The following GALNTL6 variants were observed in gnomAD, a reference collection of about 807,000 sequenced individuals.
GALNTL6 encodes polypeptide N-acetylgalactosaminyltransferase like 6.
Under a neutral mutation model 73.7 loss-of-function variants are expected in GALNTL6, and 46 were observed. The observed-to-expected ratio is 0.62, with a 90% CI of 0.49 to 0.80. The LOEUF is 0.80. Among genes scored for constraint, GALNTL6 ranks in the 30% least tolerant of loss-of-function variants. The pLI, the probability that GALNTL6 is intolerant of heterozygous loss-of-function variation, is 0.00. For missense variants in GALNTL6, 604 were observed against 755.0 expected (o/e 0.80, Z 2.34); for synonymous variants, 259 against 263.7 (o/e 0.98, Z 0.17).
chr4:172,800,196 A>G (rs1257225725), intron 5 of GALNTL6, among the ~76,000 whole-genome samples: 1 of 152,180 alleles, frequency 6.6e-6, no homozygotes, highest in East Asian at 1.9e-4. Context: ...CAACAATGTG[A>G]ATATGCTTAA....
intron 2 of GALNTL6, among the ~76,000 whole-genome samples, chr4:171,886,504 T>C (rs887390728): frequency 6.6e-6 from 1 of 152,216 alleles, no homozygotes; most frequent in Non-Finnish European, 1.5e-5. Flanking sequence ...ATATTTCTTA[T>C]GTTAATACAT....
intron 10 of GALNTL6, among the ~76,000 whole-genome samples, chr4:172,999,583 C>T (rs1428428362): frequency 1.3e-5 from 2 of 152,040 alleles, no homozygotes; most frequent in Non-Finnish European, 2.9e-5. Flanking sequence ...AGAGCATATA[C>T]CCAAATAGGC....
chr4:172,609,623 C>CTGTGTG (rs1414167008), intron 5 of GALNTL6, among the ~76,000 whole-genome samples: 5,307 of 92,160 alleles, frequency 0.058, 157 homozygotes, highest in East Asian at 0.15. Flanking sequence ...CTCTCTCTCT[C>CTGTGTG]TCTGTGTGTG....
At chr4:172,300,035 T>A (rs1374978156) in intron 3 of GALNTL6, among the ~76,000 whole-genome samples, 1 of 152,224 alleles carries the variant, frequency 6.6e-6, no homozygotes, top group Admixed American at 6.5e-5. Context: ...GGACTTGCTT[T>A]ATGAATCTGG....
chr4:172,890,292 A>G (rs1288744948), intron 8 of GALNTL6, among the ~76,000 whole-genome samples: 1 of 151,720 alleles, frequency 6.6e-6, no homozygotes, highest in East Asian at 1.9e-4. Context: ...TTTTTCTGCT[A>G]ATTTTGGGGT....
chr4:172,482,202 C>G (rs1343320360), intron 5 of GALNTL6, among the ~76,000 whole-genome samples: 2 of 152,206 alleles, frequency 1.3e-5, no homozygotes, highest in Non-Finnish European at 2.9e-5. Flanking sequence ...ACCCGGAACT[C>G]GCGCTGGCCC....
intron 8 of GALNTL6, among the ~76,000 whole-genome samples, chr4:172,924,068 T>G (rs766459826): frequency 2.0e-5 from 3 of 151,948 alleles, no homozygotes; most frequent in Non-Finnish European, 4.4e-5. Flanking sequence ...GCGGGAAAAC[T>G]AGACAAAGAA....
intron 5 of GALNTL6, among the ~76,000 whole-genome samples, chr4:172,687,625 CAAAAA>C (rs34724807): frequency 1.5e-5 from 2 of 129,114 alleles, no homozygotes; most frequent in South Asian, 2.4e-4. Flanking sequence ...AAGACTGTCT[CAAAAA>C]AAAAAAAAAA....
At chr4:172,118,827 AT>A (rs141690850) in intron 2 of GALNTL6, among the ~76,000 whole-genome samples, 8,529 of 150,378 alleles carry the variant, frequency 0.057, 354 homozygotes, top group Non-Finnish European at 0.09. Flanking sequence ...ATAAGCAGTG[AT>A]TTTTTTTTTC....
intron 2 of GALNTL6, among the ~76,000 whole-genome samples, chr4:171,940,846 A>AATAG (rs1738515019): frequency 7.0e-6 from 1 of 142,080 alleles, no homozygotes; most frequent in South Asian, 2.3e-4. Flanking sequence ...TAAATAAATA[A>AATAG]ATAAATAAAT....
intron 8 of GALNTL6, among the ~76,000 whole-genome samples, chr4:172,902,551 T>C (rs1386402747): frequency 6.6e-6 from 1 of 152,056 alleles, no homozygotes; most frequent in Non-Finnish European, 1.5e-5. Context: ...CATCTATAAT[T>C]CCAGGAAAAG....
chr4:172,481,245 C>G (rs757214522), intron 5 of GALNTL6, among the ~76,000 whole-genome samples: 13 of 150,410 alleles, frequency 8.6e-5, no homozygotes, highest in Non-Finnish European at 1.6e-4. Flanking sequence ...CCTCCCGACC[C>G]GAGTTGTTCA....
intron 5 of GALNTL6, among the ~76,000 whole-genome samples, chr4:172,804,185 G>T (rs1740822362): frequency 6.6e-6 from 1 of 152,048 alleles, no homozygotes; most frequent in Non-Finnish European, 1.5e-5. Context: ...GTAAAGTATT[G>T]CCCCTATCAC....
At chr4:172,405,431 ATATATATATATATTTT>A (rs1246458599) in intron 5 of GALNTL6, among the ~76,000 whole-genome samples, 3 of 4,314 alleles carry the variant, frequency 7.0e-4, no homozygotes, top group African/African-American at 9.1e-4. Context: ...ATATATATAT[ATATATATATATATTTT>A]TTTTTTTTTT....
chr4:172,439,762 T>G (rs1176349478), intron 5 of GALNTL6, among the ~76,000 whole-genome samples: 1 of 152,032 alleles, frequency 6.6e-6, no homozygotes, highest in Non-Finnish European at 1.5e-5. Context: ...TCAATCCAAA[T>G]AGTCGATTTT....
At chr4:172,000,875 G>C (rs1461798135) in intron 2 of GALNTL6, among the ~76,000 whole-genome samples, 1 of 152,094 alleles carries the variant, frequency 6.6e-6, no homozygotes, top group Non-Finnish European at 1.5e-5. Context: ...CAGAGAAGTT[G>C]TATTACTTCA....
intron 5 of GALNTL6, among the ~76,000 whole-genome samples, chr4:172,427,463 G>A (rs1224600230): frequency 6.6e-6 from 1 of 152,078 alleles, no homozygotes. Context: ...GATTATGGGA[G>A]CTACAGTATC....
intron 2 of GALNTL6, among the ~76,000 whole-genome samples, chr4:171,865,058 A>T (rs1367496590): frequency 6.6e-6 from 1 of 152,036 alleles, no homozygotes; most frequent in Non-Finnish European, 1.5e-5. Flanking sequence ...AGGCAGTAGA[A>T]TCTCTTGACC....
rs571742090 is a variant in GALNTL6, at chr4:172,761,728, G to A, written c.554-47633G>A. Among the ~76,000 whole-genome samples, 12 of 148,672 alleles carry A rather than the reference G, an allele frequency of 8.1e-5. No homozygotes were observed. In the South Asian group the frequency reaches 1.5e-3, roughly 19 times the overall value. ...CTCTCCTGCTCCACTATGGTAAAAC[G>A]TACTTGCTTCCCCTTTACCTTCTGC... On this transcript the variant is annotated intron_variant, in intron 5 of 12. Transcript: ENST00000506823.
Sources: allele counts gnomAD v4.1 joint callset (sites outside exome capture counted in the v4.1 genomes callset), GRCh38; gene constraint gnomAD v4.1.1; transcripts MANE v1.5; gene names NCBI Gene and HGNC (gene_info 2026-07-23, HGNC 2026-07-21).